The following GAP43 variants were observed in gnomAD, a reference collection of about 807,000 sequenced individuals.
The protein encoded by GAP43 is neuromodulin.
Under a neutral mutation model 18.6 loss-of-function variants are expected in GAP43, and 6 were observed. That is an observed-to-expected ratio of 0.32 (90% CI 0.18 to 0.64). The LOEUF is 0.64. GAP43 is among the 30% of genes least tolerant of loss of function. The pLI, the probability that GAP43 is intolerant of heterozygous loss-of-function variation, is 0.78. For synonymous variants in GAP43, 115 were observed against 111.4 expected, an observed-to-expected ratio of 1.03 and a Z score of -0.20; for missense variants, 292 against 295.5, an observed-to-expected ratio of 0.99 and a Z score of 0.09.
chr3:115,665,894 T>A (rs1054430006), intron 1 of GAP43, among the ~76,000 whole-genome samples: 1 of 152,088 alleles, frequency 6.6e-6, no homozygotes, highest in Non-Finnish European at 1.5e-5. Flanking sequence ...ATAGAGTAGC[T>A]CTCAGAACCT....
chr3:115,693,277 T>C (rs1187587731), intron 2 of GAP43, among the ~76,000 whole-genome samples: 1 of 152,172 alleles, frequency 6.6e-6, no homozygotes, highest in Non-Finnish European at 1.5e-5. Flanking sequence ...AAGGGAGTAA[T>C]TGGATTTTTA....
intron 1 of GAP43, among the ~76,000 whole-genome samples, chr3:115,635,983 A>C (rs939657459): frequency 2.6e-5 from 4 of 152,082 alleles, no homozygotes; most frequent in Non-Finnish European, 4.4e-5. Context: ...TGGTTTGTGT[A>C]CATACTTAAG....
intron 2 of GAP43, among the ~76,000 whole-genome samples, chr3:115,687,392 C>A (rs969548473): frequency 2.0e-5 from 3 of 150,622 alleles, no homozygotes; most frequent in African/African-American, 7.3e-5. Context: ...ATTGTGTAGT[C>A]GCAGATAGGA....
intron 1 of GAP43, among the ~76,000 whole-genome samples, chr3:115,662,123 T>C (rs182052655): frequency 1.1e-3 from 173 of 152,262 alleles, no homozygotes; most frequent in African/African-American, 3.9e-3. Flanking sequence ...TTGAATGTTA[T>C]AGTGTTAGCT....
intron 2 of GAP43, among the ~76,000 whole-genome samples, chr3:115,718,781 C>A (rs1360458267): frequency 6.6e-6 from 1 of 152,086 alleles, no homozygotes; most frequent in Non-Finnish European, 1.5e-5. Context: ...AAAAACCTAA[C>A]CTATTTTCAA....
chr3:115,718,481 G>A (rs974696146), intron 2 of GAP43, among the ~76,000 whole-genome samples: 4 of 152,138 alleles, frequency 2.6e-5, no homozygotes, highest in Non-Finnish European at 5.9e-5. Flanking sequence ...CTGATGCATA[G>A]TGTATTATAA....
intron 1 of GAP43, among the ~76,000 whole-genome samples, chr3:115,645,733 G>A (rs997820472): frequency 4.6e-5 from 7 of 151,634 alleles, no homozygotes; most frequent in Non-Finnish European, 1.0e-4. Context: ...TCAAGCATTG[G>A]AATAAATCTT....
At chr3:115,645,305 G>A (rs1181798198) in intron 1 of GAP43, among the ~76,000 whole-genome samples, 1 of 151,920 alleles carries the variant, frequency 6.6e-6, no homozygotes, top group African/African-American at 2.4e-5. Context: ...TATTTTTTGT[G>A]TTGATGCTAC....
At chr3:115,625,213 A>AAAT (rs1288124208) in intron 1 of GAP43, among the ~76,000 whole-genome samples, 1 of 150,776 alleles carries the variant, frequency 6.6e-6, no homozygotes, top group Non-Finnish European at 1.5e-5. Context: ...TGGCATAAAT[A>AAAT]AATAAATAAA....
intron 2 of GAP43, among the ~76,000 whole-genome samples, chr3:115,680,611 C>A (rs1209900365): frequency 6.6e-6 from 1 of 152,166 alleles, no homozygotes; most frequent in African/African-American, 2.4e-5. Context: ...AGGTACAGGG[C>A]ACTTCCCTAT....
chr3:115,688,907 C>T (rs1410970565), intron 2 of GAP43, among the ~76,000 whole-genome samples: 2 of 152,216 alleles, frequency 1.3e-5, no homozygotes, highest in Admixed American at 6.5e-5. Flanking sequence ...AACTTACTTC[C>T]GCAGCCTAGG....
intron 2 of GAP43, among the ~76,000 whole-genome samples, chr3:115,712,642 A>AT: frequency 6.6e-6 from 1 of 152,318 alleles, no homozygotes; most frequent in South Asian, 2.1e-4. Flanking sequence ...GGCACGCATT[A>AT]TTATTCATAT....
chr3:115,676,436 C>T lies in GAP43; in HGVS notation c.454C>T (p.Pro152Ser), dbSNP rs762031944. Residue 152 changes from proline to serine, a missense_variant, in exon 2 of 3, where the codon CCG (proline) becomes TCG (serine). Physicochemically the swap from Pro to Ser is moderately conservative, Grantham distance 74. Coordinates refer to ENST00000305124, the MANE Select transcript of GAP43 (RefSeq NM_002045.4). ...CACTAAAGCTTCCACTGATAACTCG[C>T]CGTCCTCCAAGGCTGAAGATGCCCC... ...SATKASTDNS[P>S]SSKAEDAPAK... 1.2e-6 allele frequency: 2 copies of T among 1,613,948 alleles called. No homozygotes were observed. The highest frequency in any genetic ancestry group is 2.2e-5 in the South Asian group (2 of 91,046).
intron 1 of GAP43, among the ~76,000 whole-genome samples, chr3:115,667,909 G>A (rs992964048): frequency 9.2e-5 from 14 of 152,168 alleles, no homozygotes; most frequent in African/African-American, 3.1e-4. Flanking sequence ...GGCTGCTAAA[G>A]GCATAGCAAC....
intron 1 of GAP43, among the ~76,000 whole-genome samples, chr3:115,661,857 GT>G (rs1421188271): frequency 8.0e-5 from 3 of 37,408 alleles, no homozygotes; most frequent in Non-Finnish European, 1.5e-4. Context: ...CCTGGGAGCT[GT>G]CAAATTGCAA....
At chr3:115,638,240 C>T (rs781062476) in intron 1 of GAP43, among the ~76,000 whole-genome samples, 6 of 152,038 alleles carry the variant, frequency 3.9e-5, no homozygotes, top group Non-Finnish European at 7.4e-5. Flanking sequence ...TCCCATTCCA[C>T]GTAGAATCAA....
intron 1 of GAP43, among the ~76,000 whole-genome samples, chr3:115,635,149 TC>T (rs1708312567): frequency 1.3e-5 from 2 of 152,090 alleles, no homozygotes; most frequent in Non-Finnish European, 2.9e-5. Context: ...TTTCCTTAAC[TC>T]TCAAGGACTT....
chr3:115,693,472 A>T (rs1016999904), intron 2 of GAP43, among the ~76,000 whole-genome samples: 3 of 148,994 alleles, frequency 2.0e-5, no homozygotes, highest in African/African-American at 5.0e-5. Context: ...GGGACCATTT[A>T]AAAAAATCCT....
chr3:115,668,543 G>C (rs1040369775), intron 1 of GAP43, among the ~76,000 whole-genome samples: 16 of 152,250 alleles, frequency 1.1e-4, no homozygotes, highest in African/African-American at 3.1e-4. Context: ...TCCTGCCTCA[G>C]CCTCCCAAGT....
Sources: gnomAD v4.1 joint callset for allele counts (sites outside exome capture counted in the v4.1 genomes callset) on GRCh38, gnomAD v4.1.1 for gene constraint, MANE v1.5 for transcripts, NCBI Gene and HGNC (gene_info 2026-07-23, HGNC 2026-07-21) for gene names.